NTM: variants seen among roughly 807,000 people sequenced by gnomAD.
NTM encodes IgLON family member 2.
In NTM, 13 loss-of-function variants were observed where a neutral mutation model predicts 42.1. That is an observed-to-expected ratio of 0.31 (90% confidence interval 0.20 to 0.49). NTM has a LOEUF of 0.49. Ranked by LOEUF, NTM falls within the 20% of genes least tolerant of loss-of-function variation. NTM has a pLI of 0.99. For missense variants in NTM, 373 were observed against 452.8 expected (o/e 0.82, Z 1.60); for synonymous variants, 187 against 179.2 (o/e 1.04, Z -0.35).
intron 2 of NTM, among the ~76,000 whole-genome samples, chr11:132,128,378 G>A (rs986966035): frequency 2.0e-5 from 3 of 152,060 alleles, no homozygotes; most frequent in Non-Finnish European, 4.4e-5. Flanking sequence ...ACTGTTGCTA[G>A]TCCTGTTTAC....
chr11:131,824,049 A>G (rs968078763), intron 1 of NTM, among the ~76,000 whole-genome samples: 1 of 152,212 alleles, frequency 6.6e-6, no homozygotes, highest in Admixed American at 6.5e-5. Context: ...GAGGATAAAG[A>G]GAATTGAAAA....
At chr11:131,585,105 G>C (rs2058738813) in intron 1 of NTM, among the ~76,000 whole-genome samples, 1 of 152,224 alleles carries the variant, frequency 6.6e-6, no homozygotes, top group African/African-American at 2.4e-5. Flanking sequence ...GATGGGAGGA[G>C]GAGGAAGACG....
intron 1 of NTM, among the ~76,000 whole-genome samples, chr11:131,666,677 C>T (rs2069114181): frequency 6.6e-6 from 1 of 152,106 alleles, no homozygotes; most frequent in Non-Finnish European, 1.5e-5. Context: ...CCCAGAGTCC[C>T]CGACCCACAA....
chr11:132,114,387 A>C (rs1036164763), intron 2 of NTM, among the ~76,000 whole-genome samples: 1 of 152,078 alleles, frequency 6.6e-6, no homozygotes, highest in Non-Finnish European at 1.5e-5. Context: ...CAGCCACGAG[A>C]GGGCAATGCA....
chr11:131,701,662 C>T (rs2076085642), intron 1 of NTM, among the ~76,000 whole-genome samples: 1 of 152,158 alleles, frequency 6.6e-6, no homozygotes. Context: ...ACCTTACCAT[C>T]CTCATTACAG....
intron 1 of NTM, among the ~76,000 whole-genome samples, chr11:131,446,541 G>T (rs1161733536): frequency 6.6e-6 from 1 of 152,044 alleles, no homozygotes; most frequent in Non-Finnish European, 1.5e-5. Flanking sequence ...CATATAAAAG[G>T]GTTTATTCCA....
intron 7 of NTM, among the ~76,000 whole-genome samples, chr11:132,325,614 C>A (rs893254675): frequency 2.3e-4 from 35 of 152,120 alleles, no homozygotes; most frequent in Non-Finnish European, 4.6e-4. Context: ...TGTGGCGATT[C>A]CTCAGGGATC....
At chr11:131,657,494 A>AT (rs1399281313) in intron 1 of NTM, among the ~76,000 whole-genome samples, 2 of 152,194 alleles carry the variant, frequency 1.3e-5, no homozygotes, top group East Asian at 1.9e-4. Context: ...GTCTCCACCA[A>AT]TTCCAGTTTG....
intron 7 of NTM, among the ~76,000 whole-genome samples, chr11:132,322,003 T>C (rs1360779305): frequency 1.3e-5 from 2 of 151,702 alleles, no homozygotes; most frequent in Non-Finnish European, 2.9e-5. Flanking sequence ...CCACCAGGCC[T>C]GCCCTAAAAG....
At chr11:131,795,637 A>G in intron 1 of NTM, 1 of 985,414 alleles carries the variant, frequency 1.0e-6, no homozygotes, top group Non-Finnish European at 1.2e-6. Flanking sequence ...CTTGATTCCC[A>G]TGTAGGCCAG....
rs114643049 is a variant in NTM at position 131,649,368 on chromosome 11, G to A, written c.83-262196G>A. ...TGCAGTGTCTGTTTATGCATATCGG[G>A]GAGGGAGTATGGGAATAAGTATTGA... On this transcript the variant is annotated intron_variant, in intron 1 of 8. Coordinates refer to ENST00000683400, the MANE Select transcript of NTM (RefSeq NM_001352005.2). 2.9e-3 allele frequency among the ~76,000 whole-genome samples: 449 copies of A among 152,304 alleles called. 3 individuals carry two copies. Among genetic ancestry groups the A allele is most frequent in the African/African-American group, 0.01 (423 of 41,556 alleles).
At chr11:132,186,181 C>T (rs74546961) in intron 3 of NTM, among the ~76,000 whole-genome samples, 1 of 152,324 alleles carries the variant, frequency 6.6e-6, no homozygotes, top group East Asian at 1.9e-4. Flanking sequence ...ACCACTGAGC[C>T]ACTGCGGTGG....
chr11:131,395,277 G>A (rs1017088649), intron 1 of NTM, among the ~76,000 whole-genome samples: 3 of 152,180 alleles, frequency 2.0e-5, no homozygotes, highest in Admixed American at 6.5e-5. Context: ...TGATATGATT[G>A]CTGAACAGAA....
At chr11:131,678,225 G>A (rs1406813614) in intron 1 of NTM, among the ~76,000 whole-genome samples, 1 of 152,220 alleles carries the variant, frequency 6.6e-6, no homozygotes, top group Non-Finnish European at 1.5e-5. Flanking sequence ...TGAGGCCCTG[G>A]ACAGCCTTCT....
intron 1 of NTM, among the ~76,000 whole-genome samples, chr11:131,734,429 TC>T (rs2080144388): frequency 6.6e-6 from 1 of 152,180 alleles, no homozygotes; most frequent in African/African-American, 2.4e-5. Context: ...CTTTTCTGCC[TC>T]CTGGTCTCCC....
chr11:131,942,922 G>C (rs930420705), intron 2 of NTM, among the ~76,000 whole-genome samples: 2 of 145,654 alleles, frequency 1.4e-5, no homozygotes, highest in African/African-American at 5.2e-5. Context: ...CTCCAGTCGG[G>C]TCAAGAGAGT....
chr11:131,929,828 C>G (rs1453027395), intron 2 of NTM, among the ~76,000 whole-genome samples: 1 of 152,194 alleles, frequency 6.6e-6, no homozygotes, highest in African/African-American at 2.4e-5. Context: ...CTTTCCTTGT[C>G]GTTTGTGATC....
chr11:131,789,636 A>AGAAGAAGAAAGAAG (rs1555127949), intron 1 of NTM, among the ~76,000 whole-genome samples: 1 of 30,900 alleles, frequency 3.2e-5, no homozygotes, highest in African/African-American at 1.2e-4. Flanking sequence ...AAGAAGAAGA[A>AGAAGAAGAAAGAAG]AAGAAGAAGA....
At chr11:132,315,529 C>CCTGT (rs993133856) in intron 7 of NTM, among the ~76,000 whole-genome samples, 2 of 152,232 alleles carry the variant, frequency 1.3e-5, no homozygotes, top group African/African-American at 2.4e-5. Flanking sequence ...ATTTTTCAAA[C>CCTGT]CTGTCTCCCC....
Sources: gnomAD v4.1 joint callset for allele counts (sites outside exome capture counted in the v4.1 genomes callset) on GRCh38, gnomAD v4.1.1 for gene constraint, MANE v1.5 for transcripts, NCBI Gene and HGNC (gene_info 2026-07-23, HGNC 2026-07-21) for gene names.